B4GALT1: variants seen among roughly 807,000 people sequenced by gnomAD.
B4GALT1 encodes beta-1,4-galactosyltransferase 1.
Under a neutral mutation model 34.9 loss-of-function variants are expected in B4GALT1, and 16 were observed. That is an observed-to-expected ratio of 0.46 (90% CI 0.31 to 0.70). B4GALT1 has a LOEUF of 0.70. B4GALT1 is among the 30% of genes least tolerant of loss of function. B4GALT1 has a pLI of 0.05. For missense variants in B4GALT1, 445 were observed against 530.5 expected (o/e 0.84, Z 1.58); for synonymous variants, 221 against 218.1 (o/e 1.01, Z -0.12).
intron 2 of B4GALT1, among the ~76,000 whole-genome samples, chr9:33,131,015 C>T (rs976232216): frequency 6.6e-6 from 1 of 152,136 alleles, no homozygotes; most frequent in South Asian, 2.1e-4. Flanking sequence ...ACCCTCCCCA[C>T]CAAGGAGGAA....
At chr9:33,130,878 CAGAAGCAGGCAGA>C (rs1247737785) in intron 2 of B4GALT1, among the ~76,000 whole-genome samples, 4 of 151,894 alleles carry the variant, frequency 2.6e-5, no homozygotes, top group South Asian at 2.1e-4. Flanking sequence ...TTCACCACCA[CAGAAGCAGGCAGA>C]GGAAGCAGGC....
chr9:33,184,894 C>A, the B4GALT1 span, among the ~76,000 whole-genome samples: 1 of 152,092 alleles, frequency 6.6e-6, no homozygotes, highest in Non-Finnish European at 1.5e-5. Flanking sequence ...CACCAGGGAG[C>A]CACAAAAGAA....
intron 1 of B4GALT1, among the ~76,000 whole-genome samples, chr9:33,158,591 T>C (rs995003231): frequency 2.0e-5 from 3 of 152,206 alleles, no homozygotes; most frequent in Admixed American, 6.5e-5. Flanking sequence ...AGGTTACTTT[T>C]AGCAGTAGAC....
the B4GALT1 span, among the ~76,000 whole-genome samples, chr9:33,173,460 T>A: frequency 6.7e-6 from 1 of 150,282 alleles, no homozygotes; most frequent in African/African-American, 2.4e-5. Context: ...GTTACCCAAG[T>A]TTCTGACAGT....
rs777142923 is a variant in B4GALT1 at position 33,135,227 on chromosome 9, G to A, written c.610C>T (p.Arg204Cys). 7 of 1,614,050 alleles carry A rather than the reference G, an allele frequency of 4.3e-6. No individual in the cohort carries two copies. The highest frequency in any genetic ancestry group is 2.7e-5 in the African/African-American group (2 of 74,906). ...TAGATGCCATAGTCCAGCTGCTGGC[G>A]CTGCAGGACTGGGTGCAAATAATAT... Reference protein sequence around the residue: ...WLYYLHPVLQRQQLDYGIYVI... With the variant: ...WLYYLHPVLQCQQLDYGIYVI... The change falls in exon 2 of 6, where the codon CGC becomes TGC. Residue 204 changes from arginine (R) to cysteine (C), a missense_variant. This residue lies in a region of B4GALT1 where 349 missense variants were observed against 395.5 expected (regional missense o/e 0.88). Coordinates refer to ENST00000379731, the MANE Select transcript of B4GALT1 (RefSeq NM_001497.4).
At chr9:33,126,938 TTTTTGTTTGTTTGTTTTTTTG>T (rs1358650680) in intron 2 of B4GALT1, among the ~76,000 whole-genome samples, 5 of 150,964 alleles carry the variant, frequency 3.3e-5, no homozygotes, top group Admixed American at 2.0e-4. Context: ...GAAGAGACAG[TTTTTGTTTGTTTGTTTTTTTG>T]TTTTGTTTGT....
upstream of B4GALT1, among the ~76,000 whole-genome samples, chr9:33,169,342 C>T (rs1840817678): frequency 6.6e-6 from 1 of 152,204 alleles, no homozygotes; most frequent in Non-Finnish European, 1.5e-5. Context: ...ATTCCTTGAA[C>T]TTGCCATATT....
chr9:33,125,412 T>G lies in B4GALT1; in HGVS notation c.649-4806A>C, dbSNP rs142599195. 6.9e-3 allele frequency among the ~76,000 whole-genome samples: 1,057 copies of G among 152,250 alleles called. 2 individuals carry two copies. Among genetic ancestry groups the G allele is most frequent in the Non-Finnish European group, 0.012 (796 of 68,020 alleles). On this transcript the variant is annotated intron_variant, in intron 2 of 5. Transcript: ENST00000379731. ...TTGTTAAGATACTTAAGCTTTATCT[T>G]TATTTAGGCCACAGGGAGCCTTAAA...
intron 4 of B4GALT1, among the ~76,000 whole-genome samples, chr9:33,115,674 A>G (rs979540194): frequency 2.6e-5 from 4 of 152,214 alleles, no homozygotes; most frequent in Admixed American, 2.0e-4. Context: ...GACCATAATG[A>G]AAGGAGGGAT....
intron 4 of B4GALT1, among the ~76,000 whole-genome samples, chr9:33,115,505 C>T (rs990526304): frequency 6.6e-6 from 1 of 152,168 alleles, no homozygotes; most frequent in Non-Finnish European, 1.5e-5. Context: ...ACTGACCAGG[C>T]CATAATGGTT....
chr9:33,157,563 T>C (rs1334796558), intron 1 of B4GALT1, among the ~76,000 whole-genome samples: 2 of 152,200 alleles, frequency 1.3e-5, no homozygotes, highest in Non-Finnish European at 2.9e-5. Context: ...ATGCAAACAG[T>C]TTCACTCTAC....
intron 3 of B4GALT1, among the ~76,000 whole-genome samples, chr9:33,118,402 G>T (rs1358083931): frequency 1.3e-5 from 2 of 152,100 alleles, no homozygotes; most frequent in Non-Finnish European, 2.9e-5. Context: ...GTTCATGCCT[G>T]TCATCCCAGC....
intron 1 of B4GALT1, among the ~76,000 whole-genome samples, chr9:33,162,451 CACTGCTGGA>C (rs911273096): frequency 1.3e-5 from 2 of 152,240 alleles, no homozygotes; most frequent in African/African-American, 4.8e-5. Flanking sequence ...AATACAGGAA[CACTGCTGGA>C]ACTGAAGGAA....
At chr9:33,163,384 T>A (rs1480918952) in intron 1 of B4GALT1, among the ~76,000 whole-genome samples, 1 of 152,012 alleles carries the variant, frequency 6.6e-6, no homozygotes, top group Non-Finnish European at 1.5e-5. Context: ...TAGATCAGAG[T>A]CTTCCCTTTG....
intron 1 of B4GALT1, among the ~76,000 whole-genome samples, chr9:33,152,141 C>T (rs1340346769): frequency 1.3e-5 from 2 of 151,960 alleles, no homozygotes; most frequent in Non-Finnish European, 2.9e-5. Flanking sequence ...CCCGTCTCTA[C>T]TAAAACACAA....
downstream of B4GALT1, chr9:33,108,813 A>G (rs1448729249): frequency 2.0e-5 from 3 of 152,126 alleles, no homozygotes; most frequent in Non-Finnish European, 4.4e-5. Context: ...AATAAAATAT[A>G]TATATTTGGC....
chr9:33,140,956 C>A (rs1396532482), intron 1 of B4GALT1, among the ~76,000 whole-genome samples: 1 of 152,230 alleles, frequency 6.6e-6, no homozygotes, highest in Non-Finnish European at 1.5e-5. Flanking sequence ...AGCACAAGCT[C>A]TCTAAGTCTG....
At chr9:33,142,120 C>T (rs1840358863) in intron 1 of B4GALT1, among the ~76,000 whole-genome samples, 1 of 152,030 alleles carries the variant, frequency 6.6e-6, no homozygotes, top group African/African-American at 2.4e-5. Flanking sequence ...GTAGCTGGGA[C>T]TACAGGCACA....
In B4GALT1 at chr9:33,163,993, G is replaced by C. The variant is rs577482661; in HGVS notation, c.412+2765C>G. The stretch of plus-strand genomic sequence containing the variant: ...GGCTCCAAACCTGCAGCCTGCCCCA[G>C]GTCACACTAACCCAAGTCTATCTGA... On this transcript the variant is annotated intron_variant, in intron 1 of 5. Transcript: ENST00000379731. 1.7e-4 allele frequency among the ~76,000 whole-genome samples: 26 copies of C among 152,216 alleles called. No individual in the cohort carries two copies. In the South Asian group the frequency reaches 5.0e-3, roughly 29 times the overall value.
Sources: allele counts gnomAD v4.1 joint callset (sites outside exome capture counted in the v4.1 genomes callset), GRCh38; gene constraint gnomAD v4.1.1; regional missense constraint gnomAD v4.1.1; transcripts MANE v1.5; gene names NCBI Gene and HGNC (gene_info 2026-07-23, HGNC 2026-07-21).